The following GLDC variants were observed in gnomAD, a reference collection of about 807,000 sequenced individuals.
The protein encoded by GLDC is glycine dehydrogenase (decarboxylating), mitochondrial.
In GLDC, 104 loss-of-function variants were observed where a neutral mutation model predicts 121.3. That is an observed-to-expected ratio of 0.86 (90% CI 0.73 to 1.01). The LOEUF is 1.01. Ranked by LOEUF, GLDC falls within the 50% of genes least tolerant of loss-of-function variation. The probability of loss-of-function intolerance (pLI) is 0.00; values close to 1 mark genes in which losing one functional copy is unlikely to be tolerated. For missense variants in GLDC, 1,429 were observed against 1,306.6 expected, an observed-to-expected ratio of 1.09 and a Z score of -1.44; for synonymous variants, 546 against 480.6, an observed-to-expected ratio of 1.14 and a Z score of -1.78.
intron 2 of GLDC, among the ~76,000 whole-genome samples, chr9:6,640,092 C>G (rs551583792): frequency 2.6e-5 from 4 of 152,174 alleles, no homozygotes; most frequent in Admixed American, 1.3e-4. Context: ...TCAGAACACA[C>G]CTAAAGGCTT....
chr9:6,569,953 G>C (rs964154974), intron 15 of GLDC, among the ~76,000 whole-genome samples: 1 of 152,186 alleles, frequency 6.6e-6, no homozygotes, highest in Non-Finnish European at 1.5e-5. Flanking sequence ...TCCAGCCTGG[G>C]CCACAGAGTG....
At chr9:6,632,498 C>G (rs1034562113) in intron 2 of GLDC, among the ~76,000 whole-genome samples, 2 of 152,256 alleles carry the variant, frequency 1.3e-5, no homozygotes, top group South Asian at 2.1e-4. Flanking sequence ...TCTGGACTTA[C>G]AAAAAGTAAA....
At chr9:6,577,815 AT>A (rs199727125) in intron 15 of GLDC, among the ~76,000 whole-genome samples, 4 of 135,114 alleles carry the variant, frequency 3.0e-5, no homozygotes, top group Non-Finnish European at 6.2e-5. Flanking sequence ...TACGTTATTG[AT>A]TTTTTTTTGC....
chr9:6,534,409 T>C (rs748389900), intron 24 of GLDC, among the ~76,000 whole-genome samples: 1 of 149,974 alleles, frequency 6.7e-6, no homozygotes, highest in Non-Finnish European at 1.5e-5. Context: ...GAAAGGAAGG[T>C]TGCACTGGGC....
At chr9:6,545,695 C>T (rs1308186216) in intron 21 of GLDC, among the ~76,000 whole-genome samples, 2 of 152,158 alleles carry the variant, frequency 1.3e-5, no homozygotes, top group Non-Finnish European at 2.9e-5. Context: ...GGCTGGAGTG[C>T]AGTGGCGCAA....
intron 15 of GLDC, among the ~76,000 whole-genome samples, chr9:6,575,805 C>T (rs138074318): frequency 6.6e-6 from 1 of 152,218 alleles, no homozygotes; most frequent in African/African-American, 2.4e-5. Context: ...TCTAAACTAG[C>T]AATTCCTAGA....
At chr9:6,562,785 T>G (rs1183044545) in intron 16 of GLDC, among the ~76,000 whole-genome samples, 2 of 152,200 alleles carry the variant, frequency 1.3e-5, no homozygotes, top group Non-Finnish European at 2.9e-5. Context: ...GGTCTTGAAC[T>G]CCTGACCTTA....
intron 12 of GLDC, 148 bp downstream of exon 12, chr9:6,589,046 CG>C: frequency 1.4e-6 from 1 of 714,404 alleles, no homozygotes; most frequent in Non-Finnish European, 2.6e-6. Context: ...AAGTCAGGAA[CG>C]GGATCGTTAT....
At chr9:6,609,019 C>T (rs1818796460) in intron 4 of GLDC, among the ~76,000 whole-genome samples, 1 of 152,104 alleles carries the variant, frequency 6.6e-6, no homozygotes, top group Non-Finnish European at 1.5e-5. Flanking sequence ...CACTCCCCAC[C>T]CCAACTCTGC....
chr9:6,600,149 A>G (rs1818575769), intron 8 of GLDC, among the ~76,000 whole-genome samples: 1 of 152,146 alleles, frequency 6.6e-6, no homozygotes, highest in Non-Finnish European at 1.5e-5. Flanking sequence ...GGATCACTTG[A>G]GCTCAGGAAT....
Position 6,550,931 on chromosome 9 carries a change from A to G in GLDC, c.2458-17T>C, listed in dbSNP as rs774877171. Reference sequence around the variant, plus strand: ...TCCCATCATCTGCAACAAAGGGAAAAAGAGCCATTAGCCATTGAACAGGCA... The same window carrying G: ...TCCCATCATCTGCAACAAAGGGAAAGAGAGCCATTAGCCATTGAACAGGCA... On this transcript the variant is annotated splice_polypyrimidine_tract_variant and intron_variant, in intron 20 of 24. Transcript: ENST00000321612. 7.3e-6 allele frequency: 11 copies of G among 1,502,996 alleles called. No homozygotes were observed. The highest frequency in any genetic ancestry group is 1.0e-5 in the Non-Finnish European group (11 of 1,078,792). 93.1% of individuals were successfully genotyped at this position (1,502,996 alleles called of 1,614,324 possible). A position where few individuals can be genotyped will look rare whatever the true frequency, so the allele number is the denominator to read the frequency against.
At chr9:6,542,688 C>T (rs372406751) in intron 21 of GLDC, among the ~76,000 whole-genome samples, 3 of 151,862 alleles carry the variant, frequency 2.0e-5, no homozygotes, top group Admixed American at 6.6e-5. Context: ...GAGTTTGAGA[C>T]CAGCCTGGGC....
Position 6,610,291 on chromosome 9 carries a change from T to G in GLDC, c.536A>C (p.Tyr179Ser). The G allele has an allele frequency of 6.2e-7, 1 of 1,613,690 alleles. No individual in the cohort carries two copies. Among genetic ancestry groups the G allele is most frequent in the Non-Finnish European group, 8.5e-7 (1 of 1,179,666 alleles). ...TGTGATGTCACACACCATGGTCTGG[T>G]AGTTGAGTAAACTCTCCAGCCTCCC... ...SQGRLESLLN[Y>S]QTMVCDITGL... is the part of the protein sequence containing the mutation. The change falls in exon 4 of 25, where the codon TAC (tyrosine) becomes TCC (serine). Residue 179 changes from tyrosine to serine, a missense_variant. Physicochemically the swap from Tyr to Ser is moderately radical, Grantham distance 144. Coordinates refer to ENST00000321612, the MANE Select transcript of GLDC (RefSeq NM_000170.3).
In GLDC at chr9:6,611,454, G is replaced by A. The variant is rs542884981; in HGVS notation, c.471-1098C>T. 1.2e-4 allele frequency among the ~76,000 whole-genome samples: 18 copies of A among 152,198 alleles called. No individual in the cohort carries two copies. The East Asian group carries it at 3.3e-3, about 28-fold the overall frequency. ...GCCTGTAGTCCCAGCTACTCAGGAGGCTGAGGCAGGAGAATCGCTTGAACC... is the reference window on the plus strand; with the variant it reads ...GCCTGTAGTCCCAGCTACTCAGGAGACTGAGGCAGGAGAATCGCTTGAACC... On this transcript the variant is annotated intron_variant, in intron 3 of 24. Coordinates refer to ENST00000321612, the MANE Select transcript of GLDC (RefSeq NM_000170.3).
At chr9:6,582,773 G>A (rs1021891904) in intron 15 of GLDC, among the ~76,000 whole-genome samples, 22 of 151,296 alleles carry the variant, frequency 1.5e-4, no homozygotes, top group African/African-American at 5.4e-4. Context: ...TCGTTGCAGT[G>A]AGCCGATATC....
In GLDC at chr9:6,532,737, G is replaced by A; in HGVS notation, c.*280C>T. The A allele has an allele frequency of 2.3e-6, 1 of 426,816 alleles. No individual in the cohort carries two copies. Among genetic ancestry groups the A allele is most frequent in the Non-Finnish European group, 4.4e-6 (1 of 229,678 alleles). 26.4% of individuals were successfully genotyped at this position (426,816 alleles called of 1,614,324 possible). A position where few individuals can be genotyped will look rare whatever the true frequency, so the allele number is the denominator to read the frequency against. On this transcript the variant is annotated 3_prime_UTR_variant, in exon 25 of 25. Transcript: ENST00000321612. ...CATCTGCAAACTTGCCACATTAAAA[G>A]TTAAAGTTCCTAAAACTTTCTACGC...
intron 22 of GLDC, 135 bp from the exon 23 acceptor site, chr9:6,536,371 G>A: frequency 2.5e-6 from 2 of 815,730 alleles, no homozygotes; most frequent in East Asian, 5.3e-5. Context: ...TGTATGTGGG[G>A]ACTCATCTCA....
In GLDC at chr9:6,551,050, G is replaced by A. The variant is rs1817505941; in HGVS notation, c.2458-136C>T. The stretch of plus-strand genomic sequence containing the variant: ...CACCATGACTCTGGAGTAAAGATGA[G>A]TGGAAAATTCCAACAAGGATATCTG... On this transcript the variant is annotated intron_variant, in intron 20 of 24. Transcript: ENST00000321612. 5 of 745,214 alleles carry A rather than the reference G, an allele frequency of 6.7e-6. No individual in the cohort carries two copies. In the South Asian group the frequency reaches 6.9e-5, roughly 10 times the overall value. The allele number at this position is 745,214 out of a possible 1,614,324, so 46.2% of individuals were successfully genotyped here.
chr9:6,634,595 C>G (rs1247645532), intron 2 of GLDC, among the ~76,000 whole-genome samples: 1 of 152,062 alleles, frequency 6.6e-6, no homozygotes, highest in African/African-American at 2.4e-5. Context: ...CTGGGCTGCC[C>G]GAAGCCAGTG....
Sources: gnomAD v4.1 joint callset for allele counts (sites outside exome capture counted in the v4.1 genomes callset) on GRCh38, gnomAD v4.1.1 for gene constraint, MANE v1.5 for transcripts, NCBI Gene and HGNC (gene_info 2026-07-23, HGNC 2026-07-21) for gene names.